MICAL2: variants seen among roughly 807,000 people sequenced by gnomAD.
The protein encoded by MICAL2 is microtubule associated monooxygenase, calponin and LIM domain containing 2, also known as [F-actin]-monooxygenase MICAL2.
A neutral mutation model predicts 127.3 loss-of-function variants in MICAL2; 77 were observed. The observed-to-expected ratio is 0.60, with a 90% confidence interval of 0.50 to 0.73. The LOEUF (loss-of-function observed/expected upper bound fraction) is 0.73. MICAL2 is among the 30% of genes least tolerant of loss of function. The pLI is 0.00. For missense variants in MICAL2, 1,351 were observed against 1,434.4 expected (o/e 0.94, Z 0.94); for synonymous variants, 570 against 551.1 (o/e 1.03, Z -0.48).
chr11:12,204,126 A>G, intron 3 of MICAL2, 124 bp from the exon 4 acceptor site: 2 of 866,836 alleles, frequency 2.3e-6, no homozygotes, highest in South Asian at 3.2e-5. Context: ...ACAGGTACAC[A>G]GCTTGCACTT....
Position 12,260,905 on chromosome 11 carries a change from C to A in MICAL2, c.3334+1008C>A, listed in dbSNP as rs989091447. 5.1e-6 allele frequency: 5 copies of A among 985,356 alleles called. No individual in the cohort carries two copies. In the African/African-American group the frequency reaches 8.7e-5, roughly 17 times the overall value. The allele number at this position is 985,356 out of a possible 1,614,324, so 61.0% of individuals were successfully genotyped here. On this transcript the variant is annotated intron_variant, in intron 26 of 27. Transcript: ENST00000683283. ...GGTTTCAACAGATTCTACAAACATG[C>A]ATTTTCCCTTCCCACTAATGGGCAC...
intron 1 of MICAL2, among the ~76,000 whole-genome samples, chr11:12,114,898 C>T (rs1180625636): frequency 1.8e-4 from 27 of 152,194 alleles, no homozygotes; most frequent in Admixed American, 1.7e-3. Flanking sequence ...AACCGGCCTC[C>T]ACAGGTCACA....
chr11:12,269,064 G>T (rs1035551205), intron 24 of MICAL2, among the ~76,000 whole-genome samples: 1 of 152,108 alleles, frequency 6.6e-6, no homozygotes, highest in African/African-American at 2.4e-5. Flanking sequence ...CAGAAGATCA[G>T]ATTTTCTCTT....
At chr11:12,342,860 T>C (rs79167772) in intron 32 of MICAL2, among the ~76,000 whole-genome samples, 189 of 152,300 alleles carry the variant, frequency 1.2e-3, no homozygotes, top group African/African-American at 4.4e-3. Flanking sequence ...CTTTGCTCTA[T>C]TGCATTTATA....
chr11:12,164,111 T>C (rs1255897920), intron 3 of MICAL2, among the ~76,000 whole-genome samples: 1 of 151,914 alleles, frequency 6.6e-6, no homozygotes, highest in Non-Finnish European at 1.5e-5. Flanking sequence ...TTCCAAAACA[T>C]ACTAGCCAGT....
At chr11:12,189,683 T>C (rs1858821038) in intron 3 of MICAL2, among the ~76,000 whole-genome samples, 1 of 152,218 alleles carries the variant, frequency 6.6e-6, no homozygotes, top group Admixed American at 6.5e-5. Flanking sequence ...GCATTAGACC[T>C]GGGTCCCGGA....
intron 27 of MICAL2, 183 bp from the exon 28 acceptor site, chr11:12,263,377 C>CA (rs1863376601): frequency 2.0e-5 from 3 of 152,488 alleles, no homozygotes; most frequent in African/African-American, 7.2e-5. Flanking sequence ...ACACCAAGCA[C>CA]CGTGGAGCTG....
At chr11:12,193,962 A>G (rs1453800190) in intron 3 of MICAL2, among the ~76,000 whole-genome samples, 1 of 152,228 alleles carries the variant, frequency 6.6e-6, no homozygotes, top group Admixed American at 6.5e-5. Context: ...GCAAAATGTG[A>G]GCAGCAATGC....
intron 32 of MICAL2, among the ~76,000 whole-genome samples, chr11:12,349,080 G>A (rs1384096849): frequency 6.6e-6 from 1 of 152,154 alleles, no homozygotes; most frequent in Non-Finnish European, 1.5e-5. Flanking sequence ...GGATGACCAT[G>A]AGCTTTGCCA....
intron 24 of MICAL2, 47 bp downstream of exon 24, chr11:12,257,018 G>A: frequency 6.5e-7 from 1 of 1,547,054 alleles, no homozygotes; most frequent in Non-Finnish European, 8.7e-7. Context: ...CTTGGCCTCA[G>A]GTGTGACCTT....
At chr11:12,214,302 G>GA (rs1278461322) in intron 7 of MICAL2, among the ~76,000 whole-genome samples, 1 of 152,074 alleles carries the variant, frequency 6.6e-6, no homozygotes, top group Non-Finnish European at 1.5e-5. Flanking sequence ...TCTGTATATG[G>GA]AAAATAAATC....
At chr11:12,300,656 A>C (rs1864036797) in intron 29 of MICAL2, among the ~76,000 whole-genome samples, 1 of 152,148 alleles carries the variant, frequency 6.6e-6, no homozygotes, top group Non-Finnish European at 1.5e-5. Context: ...CCCTCTAACC[A>C]CTAGGAAGTG....
chr11:12,287,184 G>C (rs372954499), exon 3 of MICAL2: 10 of 398,782 alleles, frequency 2.5e-5, no homozygotes, highest in Admixed American at 8.8e-5. Flanking sequence ...TAGCTCTCTG[G>C]GGGTGGGAGG....
chr11:12,256,744 G>A (rs775336279), intron 23 of MICAL2, 41 bp from the exon 24 acceptor site: 1 of 1,543,622 alleles, frequency 6.5e-7, no homozygotes, highest in Admixed American at 1.8e-5. Context: ...GAAGGCTCGG[G>A]ATAAGCCATA....
At chr11:12,306,439 C>CT (rs1335145812) in intron 29 of MICAL2, among the ~76,000 whole-genome samples, 2 of 152,142 alleles carry the variant, frequency 1.3e-5, no homozygotes, top group African/African-American at 4.8e-5. Flanking sequence ...TTCATCTACT[C>CT]TACCAAACTC....
intron 8 of MICAL2, among the ~76,000 whole-genome samples, chr11:12,219,210 C>T (rs544546876): frequency 6.6e-6 from 1 of 152,238 alleles, no homozygotes; most frequent in Admixed American, 6.5e-5. Flanking sequence ...TTTGTGTCAC[C>T]TTTGAGAAAG....
intron 20 of MICAL2, 73 bp from the exon 21 acceptor site, chr11:12,243,914 C>T: frequency 6.4e-7 from 1 of 1,562,154 alleles, no homozygotes; most frequent in Non-Finnish European, 8.8e-7. Flanking sequence ...CATGGGACTG[C>T]ATGATTGAGG....
At chr11:12,128,171 T>A (rs567575135) in intron 1 of MICAL2, among the ~76,000 whole-genome samples, 1 of 152,324 alleles carries the variant, frequency 6.6e-6, no homozygotes, top group East Asian at 1.9e-4. Context: ...ATGTTGTGGG[T>A]GTAGGTTAGT....
At chr11:12,193,525 T>C (rs1859485481) in intron 3 of MICAL2, among the ~76,000 whole-genome samples, 1 of 152,086 alleles carries the variant, frequency 6.6e-6, no homozygotes, top group Non-Finnish European at 1.5e-5. Context: ...TGAGTGGTCA[T>C]GGGATGAGGT....
Sources: gnomAD v4.1 joint callset for allele counts (sites outside exome capture counted in the v4.1 genomes callset) on GRCh38, gnomAD v4.1.1 for gene constraint, MANE v1.5 for transcripts, NCBI Gene and HGNC (gene_info 2026-07-23, HGNC 2026-07-21) for gene names.